THSD7B: variants seen among roughly 807,000 people sequenced by gnomAD.
THSD7B encodes thrombospondin type 1 domain containing 7B.
Under a neutral mutation model 213.6 loss-of-function variants are expected in THSD7B, and 138 were observed. The ratio of observed to expected loss-of-function variants is 0.65; its 90% CI spans 0.56 to 0.74. THSD7B has a LOEUF of 0.74. Ranked by LOEUF, THSD7B falls within the 30% of genes least tolerant of loss-of-function variation. The probability of loss-of-function intolerance (pLI) is 0.00; values close to 1 mark genes in which losing one functional copy is unlikely to be tolerated. For synonymous variants in THSD7B, 742 were observed against 687.0 expected, an observed-to-expected ratio of 1.08 and a Z score of -1.25; for missense variants, 1,931 against 1,991.5, an observed-to-expected ratio of 0.97 and a Z score of 0.58.
chr2:137,194,967 T>TG (rs1325764837), intron 7 of THSD7B, among the ~76,000 whole-genome samples: 1 of 152,082 alleles, frequency 6.6e-6, no homozygotes, highest in East Asian at 1.9e-4. Context: ...GTAGAAACAG[T>TG]GGGAAATCTT....
At chr2:137,187,892 C>G (rs1456910665) in intron 7 of THSD7B, among the ~76,000 whole-genome samples, 1 of 151,940 alleles carries the variant, frequency 6.6e-6, no homozygotes. Context: ...CATCCACATC[C>G]CCTCCTACCT....
intron 27 of THSD7B, among the ~76,000 whole-genome samples, chr2:137,676,159 G>A (rs531767563): frequency 6.6e-6 from 1 of 152,314 alleles, no homozygotes; most frequent in South Asian, 2.1e-4. Context: ...GCAGGGTGAG[G>A]CCTGGCTGCT....
rs55814718 is a variant in THSD7B at position 136,825,718 on chromosome 2, A to ATTT, written c.-35-56412_-35-56410dup. ...AGGTGCTCACTGCCATGCCTGGCTA[A>ATTT]TTTTTTTTTTTTTTTTAGATCTGGG... On this transcript the variant is annotated intron_variant, in intron 1 of 27. Transcript: ENST00000409968. 8.5e-4 allele frequency among the ~76,000 whole-genome samples: 99 copies of ATTT among 116,890 alleles called. 6 individuals are homozygous for ATTT. The highest frequency in any genetic ancestry group is 1.2e-3 in the South Asian group (4 of 3,222). The allele number at this position is 116,890 out of a possible 152,430, so 76.7% of individuals were successfully genotyped here. A position where few individuals can be genotyped will look rare whatever the true frequency, so the allele number is the denominator to read the frequency against.
intron 1 of THSD7B, among the ~76,000 whole-genome samples, chr2:136,811,047 G>A (rs928829539): frequency 6.6e-6 from 1 of 152,180 alleles, no homozygotes; most frequent in Non-Finnish European, 1.5e-5. Context: ...AACAAAGGGA[G>A]CCCTTGATGG....
At chr2:137,609,560 AG>A (rs1401358294) in intron 17 of THSD7B, among the ~76,000 whole-genome samples, 1 of 152,202 alleles carries the variant, frequency 6.6e-6, no homozygotes, top group Non-Finnish European at 1.5e-5. Context: ...AATGAGGTGT[AG>A]GCAGATAGTG....
At chr2:137,388,370 A>G (rs1279747816) in intron 12 of THSD7B, among the ~76,000 whole-genome samples, 1 of 151,794 alleles carries the variant, frequency 6.6e-6, no homozygotes, top group Non-Finnish European at 1.5e-5. Context: ...AGTGACCCTT[A>G]ATTCTTTTTG....
intron 2 of THSD7B, among the ~76,000 whole-genome samples, chr2:136,888,986 T>G (rs530897428): frequency 1.1e-4 from 16 of 151,972 alleles, no homozygotes; most frequent in African/African-American, 3.4e-4. Context: ...TGTGTGTACA[T>G]GTATTTAGGG....
intron 15 of THSD7B, among the ~76,000 whole-genome samples, chr2:137,455,965 A>G (rs892956203): frequency 6.6e-6 from 1 of 152,176 alleles, no homozygotes; most frequent in South Asian, 2.1e-4. Flanking sequence ...ACAACTATAT[A>G]TTTTGTTTAT....
intron 16 of THSD7B, among the ~76,000 whole-genome samples, chr2:137,566,415 G>C (rs1681240354): frequency 6.6e-6 from 1 of 152,106 alleles, no homozygotes; most frequent in African/African-American, 2.4e-5. Context: ...CCCTGAGCTG[G>C]GGGTTGGGTC....
chr2:137,301,049 A>G (rs1410380375), intron 12 of THSD7B, among the ~76,000 whole-genome samples: 2 of 152,144 alleles, frequency 1.3e-5, no homozygotes, highest in African/African-American at 2.4e-5. Context: ...TCCTTTTACA[A>G]TTGGAATTTA....
chr2:136,971,635 C>T (rs1325293750), intron 2 of THSD7B, among the ~76,000 whole-genome samples: 1 of 106,700 alleles, frequency 9.4e-6, no homozygotes, highest in African/African-American at 3.7e-5. Flanking sequence ...TTAACAACAA[C>T]AAATACACAC....
At chr2:136,788,878 A>G (rs998065364) in intron 1 of THSD7B, among the ~76,000 whole-genome samples, 4 of 152,136 alleles carry the variant, frequency 2.6e-5, no homozygotes, top group South Asian at 4.1e-4. Context: ...ATCTTCAAAA[A>G]GTTGTTATTT....
intron 7 of THSD7B, among the ~76,000 whole-genome samples, chr2:137,217,188 C>A (rs561100606): frequency 2.0e-5 from 3 of 152,312 alleles, no homozygotes; most frequent in Non-Finnish European, 4.4e-5. Flanking sequence ...TACTGACAAT[C>A]AGATGGTGCC....
intron 7 of THSD7B, among the ~76,000 whole-genome samples, chr2:137,193,717 G>A (rs1454310493): frequency 6.6e-6 from 1 of 151,842 alleles, no homozygotes; most frequent in Non-Finnish European, 1.5e-5. Context: ...ATAAAATCAA[G>A]AATTTGTTGT....
At chr2:137,224,771 A>G (rs1681458108) in intron 7 of THSD7B, among the ~76,000 whole-genome samples, 1 of 152,128 alleles carries the variant, frequency 6.6e-6, no homozygotes, top group African/African-American at 2.4e-5. Flanking sequence ...TCCCGGGTTC[A>G]CGCCATTCTC....
intron 12 of THSD7B, among the ~76,000 whole-genome samples, chr2:137,302,785 A>T (rs904206330): frequency 2.6e-5 from 4 of 152,190 alleles, no homozygotes; most frequent in African/African-American, 7.2e-5. Context: ...TAAAAGCGAG[A>T]ATGGATGGAT....
intron 2 of THSD7B, among the ~76,000 whole-genome samples, chr2:137,043,029 G>T (rs1451977237): frequency 6.6e-6 from 1 of 152,154 alleles, no homozygotes; most frequent in African/African-American, 2.4e-5. Flanking sequence ...ACTATTGAGC[G>T]AAGGTTTGCA....
chr2:137,520,958 G>A (rs920447370), intron 15 of THSD7B, among the ~76,000 whole-genome samples: 1 of 152,120 alleles, frequency 6.6e-6, no homozygotes, highest in Admixed American at 6.6e-5. Context: ...AACCATTGTG[G>A]GTGAACTCTT....
At chr2:137,381,582 T>G (rs1685777015) in intron 12 of THSD7B, among the ~76,000 whole-genome samples, 1 of 152,152 alleles carries the variant, frequency 6.6e-6, no homozygotes, top group East Asian at 1.9e-4. Flanking sequence ...GGGTCCATGC[T>G]GTAAAGAAGG....
Sources: allele counts gnomAD v4.1 joint callset (sites outside exome capture counted in the v4.1 genomes callset), GRCh38; gene constraint gnomAD v4.1.1; transcripts MANE v1.5; gene names NCBI Gene and HGNC (gene_info 2026-07-23, HGNC 2026-07-21).